Variants in TMEM108 observed in about 807,000 individuals in gnomAD.
The protein encoded by TMEM108 is transmembrane protein 108.
TMEM108 carries 12 observed loss-of-function variants against 35.1 expected under a neutral mutation model. The observed-to-expected ratio is 0.34, with a 90% CI of 0.22 to 0.55. The LOEUF (loss-of-function observed/expected upper bound fraction) is 0.55. Among genes scored for constraint, TMEM108 ranks in the 20% least tolerant of loss-of-function variants. The pLI, the probability that TMEM108 is intolerant of heterozygous loss-of-function variation, is 0.89. For missense variants in TMEM108, 680 were observed against 753.3 expected (o/e 0.90, Z 1.14); for synonymous variants, 287 against 308.6 (o/e 0.93, Z 0.73).
intron 3 of TMEM108, among the ~76,000 whole-genome samples, chr3:133,250,602 A>T (rs762881624): frequency 1.3e-5 from 2 of 152,096 alleles, no homozygotes; most frequent in Non-Finnish European, 2.9e-5. Flanking sequence ...TCAAGGGTCA[A>T]CTCTATTCTT....
intron 2 of TMEM108, among the ~76,000 whole-genome samples, chr3:133,089,483 CCA>C (rs1943922051): frequency 2.0e-5 from 3 of 152,022 alleles, no homozygotes; most frequent in Admixed American, 2.0e-4. Flanking sequence ...GTTTTTTGGT[CCA>C]CTTTACTCTG....
intron 2 of TMEM108, among the ~76,000 whole-genome samples, chr3:133,083,030 T>G (rs1167051573): frequency 6.6e-6 from 1 of 152,078 alleles, no homozygotes; most frequent in Non-Finnish European, 1.5e-5. Flanking sequence ...AAAGTTGCAA[T>G]TTTACAGTAC....
At chr3:133,069,777 CTGTT>C (rs1217230322) in intron 2 of TMEM108, among the ~76,000 whole-genome samples, 1 of 152,144 alleles carries the variant, frequency 6.6e-6, no homozygotes, top group Non-Finnish European at 1.5e-5. Flanking sequence ...CTTTGTCTGT[CTGTT>C]TGGTCAAAGT....
chr3:133,131,224 G>T (rs1198881554), intron 2 of TMEM108, among the ~76,000 whole-genome samples: 1 of 152,140 alleles, frequency 6.6e-6, no homozygotes, highest in Non-Finnish European at 1.5e-5. Context: ...TACAGCAGCT[G>T]CTGCCTCCTC....
intron 3 of TMEM108, among the ~76,000 whole-genome samples, chr3:133,314,011 AT>A (rs1439491486): frequency 3.3e-5 from 5 of 152,172 alleles, no homozygotes; most frequent in Non-Finnish European, 5.9e-5. Flanking sequence ...TAGTACAAAA[AT>A]AACTCCTTTC....
intron 3 of TMEM108, among the ~76,000 whole-genome samples, chr3:133,254,924 G>T (rs2107671132): frequency 6.6e-6 from 1 of 152,258 alleles, no homozygotes. Context: ...CATATTTCTG[G>T]TGGTTCATGC....
At chr3:133,166,342 A>C (rs1945036635) in intron 2 of TMEM108, among the ~76,000 whole-genome samples, 1 of 152,194 alleles carries the variant, frequency 6.6e-6, no homozygotes, top group African/African-American at 2.4e-5. Context: ...CGTAAACTAA[A>C]AATAGAAGTT....
intron 2 of TMEM108, among the ~76,000 whole-genome samples, chr3:133,079,084 GA>G (rs1331478556): frequency 6.6e-6 from 1 of 152,190 alleles, no homozygotes; most frequent in Non-Finnish European, 1.5e-5. Flanking sequence ...GGTTCTAGAA[GA>G]ATGGATCAGA....
chr3:133,133,106 A>G (rs1434105999), intron 2 of TMEM108, among the ~76,000 whole-genome samples: 1 of 152,256 alleles, frequency 6.6e-6, no homozygotes, highest in Non-Finnish European at 1.5e-5. Context: ...TGCTGTGAAC[A>G]TTATTGAAAT....
At chr3:133,093,506 T>C (rs796428074) in intron 2 of TMEM108, among the ~76,000 whole-genome samples, 10 of 152,322 alleles carry the variant, frequency 6.6e-5, no homozygotes, top group African/African-American at 2.2e-4. Context: ...TTGTTATGTA[T>C]ATGGTCTTGG....
chr3:133,151,104 C>T (rs1238602779), intron 2 of TMEM108, among the ~76,000 whole-genome samples: 1 of 152,036 alleles, frequency 6.6e-6, no homozygotes, highest in African/African-American at 2.4e-5. Flanking sequence ...ACCATTTTTT[C>T]CAGGATATCT....
chr3:133,329,252 A>G (rs1400610729), intron 3 of TMEM108, among the ~76,000 whole-genome samples: 1 of 152,010 alleles, frequency 6.6e-6, no homozygotes, highest in Non-Finnish European at 1.5e-5. Context: ...AAAAACATTA[A>G]CACCCCAAAT....
chr3:133,322,667 G>A (rs1046140502), intron 3 of TMEM108, among the ~76,000 whole-genome samples: 1 of 152,048 alleles, frequency 6.6e-6, no homozygotes, highest in Non-Finnish European at 1.5e-5. Context: ...AAATCATTCT[G>A]TGAAGTCAGT....
chr3:133,096,007 T>C (rs982776998), intron 2 of TMEM108, among the ~76,000 whole-genome samples: 1 of 152,198 alleles, frequency 6.6e-6, no homozygotes. Flanking sequence ...GTGTGGACCA[T>C]CAATCTGTAA....
At chr3:133,327,746 G>C (rs1482911419) in intron 3 of TMEM108, among the ~76,000 whole-genome samples, 1 of 152,084 alleles carries the variant, frequency 6.6e-6, no homozygotes, top group Non-Finnish European at 1.5e-5. Flanking sequence ...CAGAGGTAAG[G>C]CTCATTTCTG....
intron 3 of TMEM108, chr3:133,247,886 A>G (rs1474643824): frequency 6.6e-6 from 1 of 152,188 alleles, no homozygotes; most frequent in East Asian, 1.9e-4. Context: ...CCTTTATCAG[A>G]TAGCACACCT....
At chr3:133,229,243 A>G in intron 2 of TMEM108, 23 bp from the exon 3 acceptor site, 2 of 1,509,282 alleles carry the variant, frequency 1.3e-6, no homozygotes, top group East Asian at 2.3e-5. Context: ...AGATGTAACA[A>G]TTTTCTTCTC....
At chr3:133,334,821 A>T (rs371176065) in intron 3 of TMEM108, among the ~76,000 whole-genome samples, 153 of 152,362 alleles carry the variant, frequency 1.0e-3, no homozygotes, top group African/African-American at 3.7e-3. Context: ...TGTTCCTGGC[A>T]TCAGGATAGT....
Position 133,395,991 on chromosome 3 carries a change from A to G in TMEM108, c.*5A>G. On this transcript the variant is annotated 3_prime_UTR_variant, in exon 6 of 6. Coordinates refer to ENST00000321871, the MANE Select transcript of TMEM108 (RefSeq NM_023943.4). ...GATCAAGTATCTGAGATCTAACTAC[A>G]GCAGGCATCACTTTGCCATTCCGTA... 6.4e-7 allele frequency: 1 copy of G among 1,560,994 alleles called. No homozygotes were observed. Among genetic ancestry groups the G allele is most frequent in the South Asian group, 1.2e-5 (1 of 80,974 alleles).
Sources: allele counts gnomAD v4.1 joint callset (sites outside exome capture counted in the v4.1 genomes callset), GRCh38; gene constraint gnomAD v4.1.1; transcripts MANE v1.5; gene names NCBI Gene and HGNC (gene_info 2026-07-23, HGNC 2026-07-21).